Variants in CMSS1 observed in about 807,000 individuals in gnomAD.
CMSS1 encodes protein CMSS1.
In CMSS1, 33 loss-of-function variants were observed where a neutral mutation model predicts 43.5. That is an observed-to-expected ratio of 0.76 (90% CI 0.57 to 1.01). The LOEUF is 1.01. Ranked by LOEUF, CMSS1 falls within the 50% of genes least tolerant of loss-of-function variation. The pLI is 0.00. For synonymous variants in CMSS1, 115 were observed against 117.2 expected (o/e 0.98, Z 0.12); for missense variants, 313 against 326.4 (o/e 0.96, Z 0.32).
chr3:99,854,796 C>T (rs1559661077), intron 1 of CMSS1, among the ~76,000 whole-genome samples: 1 of 152,170 alleles, frequency 6.6e-6, no homozygotes, highest in Non-Finnish European at 1.5e-5. Context: ...TTGCTTTACT[C>T]AGCTTTAATT....
chr3:100,154,688 C>T (rs1310875929), intron 2 of CMSS1, among the ~76,000 whole-genome samples: 1 of 152,018 alleles, frequency 6.6e-6, no homozygotes, highest in African/African-American at 2.4e-5. Context: ...TAAAAAATAT[C>T]AGCTGGGCGT....
intron 1 of CMSS1, among the ~76,000 whole-genome samples, chr3:99,893,124 A>G (rs1170814802): frequency 6.7e-6 from 1 of 149,588 alleles, no homozygotes. Context: ...TTCTGCTTTC[A>G]GGTATCTCTA....
intron 1 of CMSS1, among the ~76,000 whole-genome samples, chr3:99,982,154 A>G (rs1263992913): frequency 6.6e-6 from 1 of 152,118 alleles, no homozygotes; most frequent in Non-Finnish European, 1.5e-5. Context: ...TAAGTGCTAT[A>G]TATTTCGGTA....
At chr3:100,025,168 A>G (rs2064896022) in intron 1 of CMSS1, among the ~76,000 whole-genome samples, 1 of 152,162 alleles carries the variant, frequency 6.6e-6, no homozygotes, top group African/African-American at 2.4e-5. Flanking sequence ...AAAAGAGAGA[A>G]AGGCTGAGTG....
intron 1 of CMSS1, among the ~76,000 whole-genome samples, chr3:99,913,663 A>G (rs1706863644): frequency 6.6e-6 from 1 of 152,228 alleles, no homozygotes; most frequent in African/African-American, 2.4e-5. Context: ...TAATCTTTTT[A>G]AAGATAAATA....
chr3:100,020,718 AACTT>A (rs1037690624), intron 1 of CMSS1, among the ~76,000 whole-genome samples: 20 of 151,396 alleles, frequency 1.3e-4, no homozygotes, highest in African/African-American at 4.9e-4. Flanking sequence ...TGTTACTATT[AACTT>A]ACTAAGAACT....
intron 1 of CMSS1, chr3:100,010,246 TC>T: frequency 4.3e-6 from 2 of 460,408 alleles, no homozygotes; most frequent in Non-Finnish European, 5.7e-6. Context: ...AGTATGTTTT[TC>T]CCCCCACAAC....
chr3:99,991,899 TATATATAC>T (rs1709527007), intron 1 of CMSS1, among the ~76,000 whole-genome samples: 1 of 149,622 alleles, frequency 6.7e-6, no homozygotes, highest in Non-Finnish European at 1.5e-5. Context: ...TATGTGTGTA[TATATATAC>T]ATATATAGGT....
intron 1 of CMSS1, among the ~76,000 whole-genome samples, chr3:99,922,137 T>C (rs1707144762): frequency 6.6e-6 from 1 of 152,238 alleles, no homozygotes; most frequent in Non-Finnish European, 1.5e-5. Flanking sequence ...CTTTGTATTA[T>C]GCCAGGCAAC....
chr3:99,984,839 T>C (rs970932024), intron 1 of CMSS1, among the ~76,000 whole-genome samples: 4 of 152,216 alleles, frequency 2.6e-5, no homozygotes, highest in African/African-American at 9.6e-5. Flanking sequence ...GTACATTCTT[T>C]GTTGCCAAAC....
At chr3:100,141,654 A>G (rs2066806399) in intron 1 of CMSS1, 1 of 438,314 alleles carries the variant, frequency 2.3e-6, no homozygotes, top group African/African-American at 2.0e-5. Flanking sequence ...AGGTAAAGAG[A>G]AGATGTGCAA....
intron 1 of CMSS1, among the ~76,000 whole-genome samples, chr3:100,067,711 CTG>C (rs2065690568): frequency 6.6e-6 from 1 of 152,124 alleles, no homozygotes; most frequent in African/African-American, 2.4e-5. Context: ...AGTTTAAAAA[CTG>C]TGTACTGCAC....
chr3:100,078,352 A>G (rs1016078045), intron 1 of CMSS1, among the ~76,000 whole-genome samples: 6 of 152,156 alleles, frequency 3.9e-5, no homozygotes, highest in Non-Finnish European at 7.4e-5. Flanking sequence ...TTTTTCTGTT[A>G]CAGTTCTTAC....
intron 1 of CMSS1, among the ~76,000 whole-genome samples, chr3:100,070,244 G>A (rs1196831711): frequency 2.0e-5 from 3 of 152,172 alleles, no homozygotes; most frequent in East Asian, 1.9e-4. Context: ...GTTAGATTTT[G>A]TGGGGAGGTC....
At chr3:99,818,510 A>G (rs1462625767) in intron 1 of CMSS1, among the ~76,000 whole-genome samples, 1 of 152,198 alleles carries the variant, frequency 6.6e-6, no homozygotes, top group Non-Finnish European at 1.5e-5. Flanking sequence ...CATTTCGTAA[A>G]GTTGTGAAGA....
chr3:99,964,556 C>G (rs897244491), intron 1 of CMSS1, among the ~76,000 whole-genome samples: 1 of 151,878 alleles, frequency 6.6e-6, no homozygotes, highest in African/African-American at 2.4e-5. Flanking sequence ...TCACTCTGTT[C>G]TTTGCACCAT....
At chr3:99,928,227 CTGTT>C (rs2107659346) in intron 1 of CMSS1, among the ~76,000 whole-genome samples, 1 of 152,318 alleles carries the variant, frequency 6.6e-6, no homozygotes, top group South Asian at 2.1e-4. Context: ...TTCCCCTTCA[CTGTT>C]TATTTTCGGG....
chr3:99,878,215 C>T (rs965238124), intron 1 of CMSS1, among the ~76,000 whole-genome samples: 4 of 152,136 alleles, frequency 2.6e-5, no homozygotes, highest in African/African-American at 9.7e-5. Flanking sequence ...GTTATGTGAC[C>T]ACTGTCTTCA....
intron 1 of CMSS1, among the ~76,000 whole-genome samples, chr3:99,889,504 A>T (rs1306741481): frequency 2.0e-5 from 3 of 152,194 alleles, no homozygotes; most frequent in Non-Finnish European, 2.9e-5. Context: ...GCTAGGAATT[A>T]TAATTGTTAA....
Sources: allele counts gnomAD v4.1 joint callset (sites outside exome capture counted in the v4.1 genomes callset), GRCh38; gene constraint gnomAD v4.1.1; transcripts MANE v1.5; gene names NCBI Gene and HGNC (gene_info 2026-07-23, HGNC 2026-07-21).